The following DYNC2LI1 variants were observed in gnomAD, a reference collection of about 807,000 sequenced individuals.
DYNC2LI1 encodes cytoplasmic dynein 2 light intermediate chain 1.
DYNC2LI1 carries 45 observed loss-of-function variants against 51.9 expected under a neutral mutation model. That is an observed-to-expected ratio of 0.87 (90% CI 0.68 to 1.11). DYNC2LI1 has a LOEUF of 1.11. DYNC2LI1 is among the 50% of genes most tolerant of loss of function. DYNC2LI1 has a pLI of 0.00. For synonymous variants in DYNC2LI1, 130 were observed against 137.8 expected (o/e 0.94, Z 0.40); for missense variants, 490 against 417.4 (o/e 1.17, Z -1.51).
intron 6 of DYNC2LI1, chr2:43,795,036 C>CAA (rs763107897): frequency 8.4e-6 from 9 of 1,076,444 alleles, no homozygotes; most frequent in Non-Finnish European, 1.0e-5. Context: ...ATAGCCTTCA[C>CAA]CATCACTCTG....
intron 3 of DYNC2LI1, 25 bp downstream of exon 3, chr2:43,783,579 C>G: frequency 6.8e-7 from 1 of 1,460,200 alleles, no homozygotes. Context: ...AACCTTTAAA[C>G]TATATTTATG....
chr2:43,793,988 A>G (rs1050642346), intron 5 of DYNC2LI1: 2 of 154,568 alleles, frequency 1.3e-5, no homozygotes, highest in South Asian at 2.0e-4. Flanking sequence ...AATGGACATT[A>G]TAACATCTTC....
chr2:43,812,118 A>G (rs977174218), downstream of DYNC2LI1, among the ~76,000 whole-genome samples: 4 of 151,944 alleles, frequency 2.6e-5, no homozygotes, highest in South Asian at 2.1e-4. Context: ...TGGTTCCATC[A>G]TAGCTCACTG....
the DYNC2LI1 span, chr2:43,824,746 G>C: frequency 6.9e-7 from 1 of 1,447,386 alleles, no homozygotes; most frequent in Non-Finnish European, 9.3e-7. Context: ...TCATTGACCC[G>C]GCCAAATTGA....
At chr2:43,782,722 C>G (rs747994036) in intron 2 of DYNC2LI1, among the ~76,000 whole-genome samples, 2 of 152,130 alleles carry the variant, frequency 1.3e-5, no homozygotes, top group Admixed American at 6.5e-5. Context: ...TGGCTCACAC[C>G]TGTAATCCCA....
chr2:43,780,779 A>T (rs186974825), intron 2 of DYNC2LI1, among the ~76,000 whole-genome samples: 1 of 152,020 alleles, frequency 6.6e-6, no homozygotes, highest in African/African-American at 2.4e-5. Flanking sequence ...AGTTCCAGGG[A>T]TAATGGGTCA....
At chr2:43,784,157 G>C (rs986954087) in intron 3 of DYNC2LI1, among the ~76,000 whole-genome samples, 7 of 152,090 alleles carry the variant, frequency 4.6e-5, no homozygotes, top group Non-Finnish European at 1.5e-5. Context: ...GATGGAATTT[G>C]GTGTTAAGGT....
downstream of DYNC2LI1, among the ~76,000 whole-genome samples, chr2:43,811,268 C>T (rs1666470942): frequency 6.6e-6 from 1 of 152,174 alleles, no homozygotes; most frequent in African/African-American, 2.4e-5. Flanking sequence ...ACACCATAAT[C>T]ATCCATGTCA....
chr2:43,811,784 C>T (rs566047546), downstream of DYNC2LI1, among the ~76,000 whole-genome samples: 5 of 152,058 alleles, frequency 3.3e-5, no homozygotes, highest in South Asian at 2.1e-4. Context: ...TTAGTAGAGA[C>T]GGGGTTTCAC....
At chr2:43,774,810 T>C (rs1220593395) in intron 1 of DYNC2LI1, among the ~76,000 whole-genome samples, 1 of 152,216 alleles carries the variant, frequency 6.6e-6, no homozygotes, top group African/African-American at 2.4e-5. Context: ...GCTATGGTTA[T>C]ACTTCCCGAT....
the DYNC2LI1 span, chr2:43,828,247 C>G: frequency 8.3e-7 from 1 of 1,201,152 alleles, no homozygotes; most frequent in Non-Finnish European, 1.2e-6. Context: ...CTCACCACAC[C>G]CTGGGGAAAG....
intron 4 of DYNC2LI1, among the ~76,000 whole-genome samples, chr2:43,788,552 A>G (rs1040326210): frequency 1.8e-4 from 28 of 152,210 alleles, no homozygotes; most frequent in African/African-American, 6.5e-4. Flanking sequence ...CAGTGTCAGG[A>G]CAGAAGCAGA....
chr2:43,822,654 T>C, the DYNC2LI1 span: 4 of 1,542,348 alleles, frequency 2.6e-6, no homozygotes, highest in Non-Finnish European at 3.5e-6. Context: ...TCCTGGAAGA[T>C]ACGACATTGC....
At chr2:43,810,297 G>C, downstream of DYNC2LI1, 6 of 930,502 alleles carry the variant, frequency 6.4e-6, no homozygotes, top group Non-Finnish European at 7.7e-6. Flanking sequence ...CAGTGGTCTG[G>C]AATGGGGCAT....
At chr2:43,819,628 A>C in the DYNC2LI1 span, among the ~76,000 whole-genome samples, 3 of 152,168 alleles carry the variant, frequency 2.0e-5, no homozygotes, top group Non-Finnish European at 4.4e-5. Flanking sequence ...TTTTCCTGGA[A>C]CATCCGGGCT....
downstream of DYNC2LI1, chr2:43,812,922 G>C (rs1023682040): frequency 3.4e-6 from 2 of 592,964 alleles, no homozygotes; most frequent in African/African-American, 3.7e-5. Flanking sequence ...CAAGTTGTAA[G>C]AGCAAGGGAC....
downstream of DYNC2LI1, chr2:43,814,359 C>T (rs1241413883): frequency 1.4e-6 from 1 of 720,008 alleles, no homozygotes; most frequent in Non-Finnish European, 2.4e-6. Context: ...TATTTCAAAA[C>T]AGAGTTTTAA....
rs1186961863 is a variant in DYNC2LI1 at position 43,791,864 on chromosome 2, TTATG to T, written c.320+2146_320+2149del. 2.0e-5 allele frequency among the ~76,000 whole-genome samples: 3 copies of T among 152,192 alleles called. No individual in the cohort carries two copies. The East Asian group carries it at 5.8e-4, about 29-fold the overall frequency. On this transcript the variant is annotated intron_variant, in intron 5 of 12. Transcript: ENST00000260605. ...TAGTCTGAATCTCTGTTTTAGGAGT[TTATG>T]TAAAAAAATTTTTTGGCTATCATTT...
At chr2:43,814,086 G>T (rs114608734), downstream of DYNC2LI1, among the ~76,000 whole-genome samples, 3,286 of 152,206 alleles carry the variant, frequency 0.022, 82 homozygotes, top group African/African-American at 0.062. Flanking sequence ...TTGAGGAATA[G>T]ACTTTTGCCA....
Sources: allele counts gnomAD v4.1 joint callset (sites outside exome capture counted in the v4.1 genomes callset), GRCh38; gene constraint gnomAD v4.1.1; transcripts MANE v1.5; gene names NCBI Gene and HGNC (gene_info 2026-07-23, HGNC 2026-07-21).